Variants in LGSN observed in about 807,000 individuals in gnomAD.
LGSN encodes lengsin.
Under a neutral mutation model 19.5 loss-of-function variants are expected in LGSN, and 21 were observed. The observed-to-expected ratio is 1.07, with a 90% CI of 0.76 to 1.55. LGSN has a LOEUF of 1.55. Ranked by LOEUF, LGSN falls within the 40% of genes most tolerant of loss-of-function variation. The pLI is 0.00. For synonymous variants in LGSN, 257 were observed against 215.6 expected (o/e 1.19, Z -1.68); for missense variants, 673 against 608.5 (o/e 1.11, Z -1.12).
the LGSN span, among the ~76,000 whole-genome samples, chr6:63,390,437 C>G: frequency 2.0e-5 from 3 of 151,902 alleles, no homozygotes; most frequent in South Asian, 6.2e-4. Flanking sequence ...CCGGATTCCA[C>G]AAATTTTGAT....
At chr6:63,341,343 C>T in the LGSN span, among the ~76,000 whole-genome samples, 7 of 152,312 alleles carry the variant, frequency 4.6e-5, no homozygotes, top group South Asian at 1.0e-3. Context: ...AGCCTTCAAA[C>T]AACATGTGTA....
At chr6:63,407,861 C>A in the LGSN span, among the ~76,000 whole-genome samples, 178 of 152,302 alleles carry the variant, frequency 1.2e-3, 3 homozygotes, top group African/African-American at 4.1e-3. Flanking sequence ...GTACAAAAAT[C>A]ACAAGCATTC....
chr6:63,466,860 T>C, the LGSN span, among the ~76,000 whole-genome samples: 5 of 152,142 alleles, frequency 3.3e-5, no homozygotes, highest in African/African-American at 1.2e-4. Context: ...AATGAGGATA[T>C]TGAATTGACA....
chr6:63,335,216 C>T, the LGSN span, among the ~76,000 whole-genome samples: 1 of 151,186 alleles, frequency 6.6e-6, no homozygotes, highest in Non-Finnish European at 1.5e-5. Context: ...AACTGGATGA[C>T]TGTATGCCAA....
the LGSN span, among the ~76,000 whole-genome samples, chr6:63,335,945 A>G: frequency 3.3e-5 from 5 of 151,566 alleles, no homozygotes; most frequent in African/African-American, 1.2e-4. Flanking sequence ...TGACTGGATA[A>G]AGAAAATGTG....
the LGSN span, among the ~76,000 whole-genome samples, chr6:63,438,442 T>C: frequency 1.3e-5 from 2 of 152,142 alleles, no homozygotes; most frequent in Non-Finnish European, 2.9e-5. Context: ...AGAAAATTTT[T>C]GCAACCTACT....
At chr6:63,311,686 T>G (rs1768634233) in intron 1 of LGSN, among the ~76,000 whole-genome samples, 1 of 152,216 alleles carries the variant, frequency 6.6e-6, no homozygotes, top group South Asian at 2.1e-4. Flanking sequence ...TGTTCAGACA[T>G]GTCATAACAA....
At chr6:63,344,612 G>C in the LGSN span, among the ~76,000 whole-genome samples, 1 of 152,192 alleles carries the variant, frequency 6.6e-6, no homozygotes, top group South Asian at 2.1e-4. Context: ...GAAGGCCTGG[G>C]AGAGATTCTT....
chr6:63,330,050 TG>T, the LGSN span, among the ~76,000 whole-genome samples: 3 of 152,198 alleles, frequency 2.0e-5, no homozygotes, highest in Non-Finnish European at 4.4e-5. Context: ...AGCTGGCGCT[TG>T]CCCCAGGCAC....
chr6:63,373,467 A>G, the LGSN span, among the ~76,000 whole-genome samples: 14 of 152,338 alleles, frequency 9.2e-5, no homozygotes, highest in Non-Finnish European at 1.6e-4. Context: ...TCCACCACAG[A>G]AAGTATAACC....
the LGSN span, among the ~76,000 whole-genome samples, chr6:63,542,745 G>A: frequency 6.6e-6 from 1 of 151,886 alleles, no homozygotes; most frequent in African/African-American, 2.4e-5. Flanking sequence ...CAACCTCTCC[G>A]CTGACCTCTA....
At chr6:63,412,515 A>AGAG in the LGSN span, among the ~76,000 whole-genome samples, 2 of 123,368 alleles carry the variant, frequency 1.6e-5, no homozygotes, top group African/African-American at 7.2e-5. Flanking sequence ...AGAAAGAAAG[A>AGAG]AAGAAAGAAA....
At chr6:63,323,680 A>T (rs1364622988), upstream of LGSN, among the ~76,000 whole-genome samples, 1 of 150,042 alleles carries the variant, frequency 6.7e-6, no homozygotes, top group Non-Finnish European at 1.5e-5. Flanking sequence ...CATAAATAGC[A>T]TTTTTTATAG....
chr6:63,351,950 C>T, the LGSN span, among the ~76,000 whole-genome samples: 1 of 152,116 alleles, frequency 6.6e-6, no homozygotes, highest in East Asian at 1.9e-4. Context: ...GTGTCATTGC[C>T]TCAGGATTTT....
At chr6:63,314,080 A>G (rs1279931539) in intron 1 of LGSN, among the ~76,000 whole-genome samples, 1 of 152,062 alleles carries the variant, frequency 6.6e-6, no homozygotes, top group Non-Finnish European at 1.5e-5. Context: ...AAAGGGGTAG[A>G]TCGTTAGAAG....
upstream of LGSN, among the ~76,000 whole-genome samples, chr6:63,320,863 A>C (rs1769056716): frequency 6.6e-6 from 1 of 152,152 alleles, no homozygotes; most frequent in Admixed American, 6.5e-5. Context: ...ACAACCACTC[A>C]ATCCTGCCTG....
chr6:63,432,321 A>G, the LGSN span, among the ~76,000 whole-genome samples: 9 of 152,296 alleles, frequency 5.9e-5, no homozygotes, highest in South Asian at 8.3e-4. Context: ...TCCAATTTCC[A>G]TGCCTTCTGT....
At chr6:63,374,759 G>T in the LGSN span, among the ~76,000 whole-genome samples, 3 of 152,200 alleles carry the variant, frequency 2.0e-5, no homozygotes, top group African/African-American at 7.2e-5. Context: ...TCTAGAGGCT[G>T]CTTGCATCCT....
At chr6:63,442,656 C>T in the LGSN span, among the ~76,000 whole-genome samples, 1 of 152,104 alleles carries the variant, frequency 6.6e-6, no homozygotes, top group Non-Finnish European at 1.5e-5. Context: ...ACACAGAGTG[C>T]TGATTGCTGC....
Sources: gnomAD v4.1 joint callset for allele counts (sites outside exome capture counted in the v4.1 genomes callset) on GRCh38, gnomAD v4.1.1 for gene constraint, MANE v1.5 for transcripts, NCBI Gene and HGNC (gene_info 2026-07-23, HGNC 2026-07-21) for gene names.